The following PHF14 variants were observed in gnomAD, a reference collection of about 807,000 sequenced individuals.
The protein encoded by PHF14 is PHD finger protein 14.
PHF14 carries 55 observed loss-of-function variants against 117.9 expected under a neutral mutation model. That is an observed-to-expected ratio of 0.47 (90% CI 0.38 to 0.58). The LOEUF (loss-of-function observed/expected upper bound fraction) is 0.58. Ranked by LOEUF, PHF14 falls within the 20% of genes least tolerant of loss-of-function variation. The pLI, the probability that PHF14 is intolerant of heterozygous loss-of-function variation, is 0.00. For synonymous variants in PHF14, 409 were observed against 368.6 expected (o/e 1.11, Z -1.26); for missense variants, 978 against 1,122.2 (o/e 0.87, Z 1.84).
chr7:11,118,545 A>C lies in PHF14; in HGVS notation c.2772+7078A>C, dbSNP rs879022064. ...TTTAAAAAAAAAATTAGAGTGTTTT[A>C]TTGTTCATACTGAACATTTATGTCC... On this transcript the variant is annotated intron_variant, in intron 17 of 17. Coordinates refer to ENST00000634607, the MANE Select transcript of PHF14 (RefSeq NM_001007157.2). Among the ~76,000 whole-genome samples, 4 of 151,820 alleles carry C rather than the reference A, an allele frequency of 2.6e-5. No homozygotes were observed. In the South Asian group the frequency reaches 8.3e-4, roughly 31 times the overall value.
intron 6 of PHF14, among the ~76,000 whole-genome samples, chr7:11,026,979 T>G (rs1180655208): frequency 2.0e-5 from 3 of 152,156 alleles, no homozygotes; most frequent in Non-Finnish European, 4.4e-5. Context: ...CAATCTGAAT[T>G]ATGTTCTCCT....
intron 14 of PHF14, among the ~76,000 whole-genome samples, chr7:11,058,371 G>A (rs1785092698): frequency 6.6e-6 from 1 of 151,746 alleles, no homozygotes; most frequent in African/African-American, 2.4e-5. Flanking sequence ...AATTTTCGTA[G>A]TTATAGTTGC....
intron 17 of PHF14, among the ~76,000 whole-genome samples, chr7:11,145,180 C>G (rs1330931361): frequency 6.6e-6 from 1 of 151,870 alleles, no homozygotes; most frequent in Non-Finnish European, 1.5e-5. Context: ...GAGGAACTCA[C>G]CTGGTTTGAA....
At position 11,122,331 on chromosome 7, in the gene PHF14, T is replaced by A. The variant is rs796132271; in HGVS notation, c.2772+10864T>A. ...AAGGGGAGATTACTGTTTGTACTTTTTATATATATATATATATATATACAC... is the reference window on the plus strand; with the variant it reads ...AAGGGGAGATTACTGTTTGTACTTTATATATATATATATATATATATACAC... On this transcript the variant is annotated intron_variant, in intron 17 of 17. Transcript: ENST00000634607. 4.5e-3 allele frequency among the ~76,000 whole-genome samples: 381 copies of A among 83,998 alleles called. 11 individuals carry two copies. The highest frequency in any genetic ancestry group is 0.017 in the African/African-American group (284 of 16,908). The allele number at this position is 83,998 out of a possible 152,430, so 55.1% of individuals were successfully genotyped here.
chr7:11,013,783 T>C lies in PHF14; in HGVS notation c.1082T>C (p.Met361Thr), dbSNP rs754985183. ...GTTGATGGAGAGAGTGACTCTATTA[T>C]GAGTTCAGCTTCTGAAAACTCCACT... Reference protein sequence around the residue: ...YGVDGESDSIMSSASENSTEP... With the variant: ...YGVDGESDSITSSASENSTEP... The change falls in exon 5 of 18, where the codon ATG becomes ACG. Residue 361 changes from methionine (M) to threonine (T), a missense_variant. Transcript: ENST00000634607. 2.5e-6 allele frequency: 4 copies of C among 1,602,784 alleles called. No homozygotes were observed. The highest frequency in any genetic ancestry group is 2.2e-5 in the East Asian group (1 of 44,776).
chr7:11,061,987 A>G lies in PHF14; in HGVS notation c.2556A>G (p.Arg852=). ...KHEERVPRER[R]QRQSVLQKKP... is the part of the protein sequence containing the mutation. ...AGGAAAGAGTTCCTAGAGAGAGAAG[A>G]CAAAGACAGTCTGTGTTGCAAAAGA... is the stretch of plus-strand genomic sequence containing the variant. The change falls in exon 16 of 18, where the codon AGA becomes AGG. Residue 852 remains arginine (R), a synonymous_variant. Coordinates refer to ENST00000634607, the MANE Select transcript of PHF14 (RefSeq NM_001007157.2). 1.9e-6 allele frequency: 3 copies of G among 1,601,900 alleles called. No individual in the cohort carries two copies. Among genetic ancestry groups the G allele is most frequent in the Non-Finnish European group, 2.6e-6 (3 of 1,173,356 alleles).
At chr7:10,990,351 C>CT (rs1289384772) in intron 3 of PHF14, among the ~76,000 whole-genome samples, 2 of 152,118 alleles carry the variant, frequency 1.3e-5, no homozygotes, top group African/African-American at 4.8e-5. Flanking sequence ...ACTTTGATTA[C>CT]TTGTGGATTC....
intron 16 of PHF14, chr7:11,103,807 G>A: frequency 1.0e-6 from 1 of 984,472 alleles, no homozygotes; most frequent in Non-Finnish European, 1.2e-6. Context: ...TGAGATGTTT[G>A]ATAAAAGTAA....
chr7:11,135,624 A>G (rs1436575499), intron 17 of PHF14, among the ~76,000 whole-genome samples: 2 of 152,036 alleles, frequency 1.3e-5, no homozygotes, highest in Non-Finnish European at 2.9e-5. Flanking sequence ...TTGAAACTCC[A>G]TCTTTGTTAA....
At chr7:11,023,792 C>T (rs1038749354) in intron 6 of PHF14, among the ~76,000 whole-genome samples, 21 of 151,998 alleles carry the variant, frequency 1.4e-4, no homozygotes, top group African/African-American at 4.8e-4. Flanking sequence ...TGCGCCACGG[C>T]ACTCCAGCCT....
chr7:11,167,459 C>T (rs560383815), intron 17 of PHF14, among the ~76,000 whole-genome samples: 100 of 152,194 alleles, frequency 6.6e-4, no homozygotes, highest in Admixed American at 1.6e-3. Flanking sequence ...TCAGGCATAC[C>T]TTTTATTCGT....
At chr7:11,056,593 A>T (rs934499953) in intron 14 of PHF14, among the ~76,000 whole-genome samples, 2 of 152,020 alleles carry the variant, frequency 1.3e-5, no homozygotes, top group Non-Finnish European at 2.9e-5. Context: ...ACAGAAACAG[A>T]TGACACCTTG....
chr7:11,088,108 G>C (rs953357608), intron 16 of PHF14, among the ~76,000 whole-genome samples: 1 of 152,118 alleles, frequency 6.6e-6, no homozygotes, highest in African/African-American at 2.4e-5. Flanking sequence ...ATCTGAAGAT[G>C]CTCAAGTCCC....
chr7:11,112,481 T>C (rs1203782219), intron 17 of PHF14, among the ~76,000 whole-genome samples: 1 of 152,164 alleles, frequency 6.6e-6, no homozygotes, highest in Non-Finnish European at 1.5e-5. Flanking sequence ...TTATTTAAAA[T>C]TATACACATT....
intron 5 of PHF14, among the ~76,000 whole-genome samples, chr7:11,014,278 A>T (rs1012329433): frequency 6.6e-6 from 1 of 152,196 alleles, no homozygotes; most frequent in Non-Finnish European, 1.5e-5. Context: ...GTATAACTTT[A>T]TATCAGGAGA....
chr7:11,152,313 T>G (rs1049618468), intron 17 of PHF14, among the ~76,000 whole-genome samples: 2 of 152,198 alleles, frequency 1.3e-5, no homozygotes, highest in Non-Finnish European at 2.9e-5. Flanking sequence ...TCCTAGCTCC[T>G]CTAATATTTT....
intron 16 of PHF14, chr7:11,107,391 A>G: frequency 2.3e-6 from 2 of 851,400 alleles, no homozygotes; most frequent in Non-Finnish European, 2.8e-6. Flanking sequence ...TGGGTAAAAG[A>G]CCATATATTA....
At chr7:10,974,473 C>A (rs1181641261) in intron 1 of PHF14, 149 bp downstream of exon 1, 11 of 736,392 alleles carry the variant, frequency 1.5e-5, no homozygotes, top group Non-Finnish European at 2.4e-5. Flanking sequence ...GAATGAAGCC[C>A]GCTTGTTTTA....
chr7:11,167,807 A>T (rs887704407), intron 17 of PHF14, among the ~76,000 whole-genome samples: 1 of 152,156 alleles, frequency 6.6e-6, no homozygotes, highest in African/African-American at 2.4e-5. Context: ...GGCGGGGCAG[A>T]TCACGAGGTC....
Sources: gnomAD v4.1 joint callset for allele counts (sites outside exome capture counted in the v4.1 genomes callset) on GRCh38, gnomAD v4.1.1 for gene constraint, MANE v1.5 for transcripts, NCBI Gene and HGNC (gene_info 2026-07-23, HGNC 2026-07-21) for gene names.